The following NRDC variants were observed in gnomAD, a reference collection of about 807,000 sequenced individuals.
NRDC encodes the protein nardilysin.
NRDC carries 54 observed loss-of-function variants against 147.1 expected under a neutral mutation model. The observed-to-expected ratio is 0.37, with a 90% CI of 0.29 to 0.46. The LOEUF is 0.46. Among genes scored for constraint, NRDC ranks in the 20% least tolerant of loss-of-function variants. The pLI is 1.00. For missense variants in NRDC, 1,082 were observed against 1,370.6 expected, an observed-to-expected ratio of 0.79 and a Z score of 3.33; for synonymous variants, 440 against 482.1, an observed-to-expected ratio of 0.91 and a Z score of 1.14.
chr1:51,863,378 G>C (rs1283694107), intron 1 of NRDC, among the ~76,000 whole-genome samples: 2 of 152,032 alleles, frequency 1.3e-5, no homozygotes, highest in Admixed American at 6.6e-5. Flanking sequence ...CTCCAGCCTG[G>C]GTGACAGAGC....
intron 1 of NRDC, among the ~76,000 whole-genome samples, chr1:51,848,725 C>A (rs943062456): frequency 6.6e-6 from 1 of 152,188 alleles, no homozygotes; most frequent in East Asian, 1.9e-4. Context: ...CTATAAAATG[C>A]ATAAATATAC....
intron 4 of NRDC, 45 bp from the exon 5 acceptor site, chr1:51,827,914 A>G (rs372552115): frequency 2.2e-6 from 3 of 1,369,044 alleles, no homozygotes; most frequent in African/African-American, 2.9e-5. Context: ...GTTCACTTTC[A>G]TCAATCAACA....
intron 4 of NRDC, among the ~76,000 whole-genome samples, chr1:51,829,782 G>A (rs1265953166): frequency 6.6e-6 from 1 of 151,896 alleles, no homozygotes; most frequent in Non-Finnish European, 1.5e-5. Context: ...AATTCCTTCT[G>A]TCTTATCTTC....
rs537797898 is a variant in NRDC, at chr1:51,812,894, G to A, written c.1675-796C>T. Reference sequence around the variant, plus strand: ...GGAGAATAGCTTGAACCTGGGAGGCGGAGGTTGCAGTGAGCCAAGATCATG... The same window carrying A: ...GGAGAATAGCTTGAACCTGGGAGGCAGAGGTTGCAGTGAGCCAAGATCATG... On this transcript the variant is annotated intron_variant, in intron 14 of 30. Coordinates refer to ENST00000352171, the MANE Select transcript of NRDC (RefSeq NM_001101662.2). 9.3e-5 allele frequency among the ~76,000 whole-genome samples: 14 copies of A among 150,650 alleles called. No individual in the cohort carries two copies. The South Asian group carries it at 1.7e-3, about 18-fold the overall frequency.
chr1:51,815,275 G>A (rs1234685766), intron 11 of NRDC, among the ~76,000 whole-genome samples: 5 of 148,762 alleles, frequency 3.4e-5, no homozygotes, highest in African/African-American at 5.0e-5. Flanking sequence ...CCTCCACCTC[G>A]GCCTCCCAAG....
chr1:51,822,263 C>T (rs914171200), intron 7 of NRDC, among the ~76,000 whole-genome samples: 2 of 152,044 alleles, frequency 1.3e-5, no homozygotes, highest in Non-Finnish European at 2.9e-5. Flanking sequence ...TATATAAAAC[C>T]TGGGATTCAG....
chr1:51,797,997 T>C (rs1679011633), intron 22 of NRDC: 1 of 417,994 alleles, frequency 2.4e-6, no homozygotes, highest in East Asian at 3.8e-5. Flanking sequence ...CTCGAAATCC[T>C]GACCTTAAGT....
Position 51,840,316 on chromosome 1 carries a change from A to G in NRDC, c.540T>C (p.Asp180=), listed in dbSNP as rs1482635650. The part of the protein sequence containing the change: ...EGFDDEDEFD[D]EHDDDLDTED... ...CAGTATCAAGATCATCATCATGTTCATCATCAAACTCATCTTCATCATCAA... is the reference window on the plus strand; with the variant it reads ...CAGTATCAAGATCATCATCATGTTCGTCATCAAACTCATCTTCATCATCAA... The change falls in exon 2 of 31, where the codon GAT becomes GAC. Residue 180 remains aspartate (D), a synonymous_variant. Coordinates refer to ENST00000352171, the MANE Select transcript of NRDC (RefSeq NM_001101662.2). The G allele has an allele frequency of 6.4e-7, 1 of 1,557,010 alleles. No homozygotes were observed. Among genetic ancestry groups the G allele is most frequent in the African/African-American group, 1.4e-5 (1 of 73,802 alleles).
At chr1:51,800,849 G>A in intron 20 of NRDC, 166 bp from the exon 21 acceptor site, 1 of 641,958 alleles carries the variant, frequency 1.6e-6, no homozygotes, top group Non-Finnish European at 2.6e-6. Context: ...TGTTTGTTTG[G>A]GTGTTACCTG....
rs1050868347 is a variant in NRDC, at chr1:51,806,883, C to T, written c.2021G>A (p.Cys674Tyr). The change falls in exon 18 of 31, where the codon TGC becomes TAC. Residue 674 changes from cysteine to tyrosine, a missense_variant. Coordinates refer to ENST00000352171, the MANE Select transcript of NRDC (RefSeq NM_001101662.2). ...ATDFTLKAFD[C>Y]PETEYPVKIV... is the part of the protein sequence containing the mutation. ...TTTAACTGGGTATTCTGTTTCCGGG[C>T]AATCGAAAGCCTTCAACGTAAAGTC... The T allele has an allele frequency of 2.5e-6, 4 of 1,613,620 alleles. No homozygotes were observed. In the Admixed American group the frequency reaches 5.0e-5, roughly 20 times the overall value.
chr1:51,808,017 G>C (rs773434686), intron 17 of NRDC, among the ~76,000 whole-genome samples: 1 of 151,910 alleles, frequency 6.6e-6, no homozygotes, highest in Non-Finnish European at 1.5e-5. Context: ...TGTTCCTCAG[G>C]CTGGTCTCAA....
intron 19 of NRDC, among the ~76,000 whole-genome samples, chr1:51,804,184 A>G (rs1189279879): frequency 6.6e-6 from 1 of 152,244 alleles, no homozygotes; most frequent in African/African-American, 2.4e-5. Context: ...TGTCATGTAC[A>G]CATGCAAAAT....
intron 17 of NRDC, among the ~76,000 whole-genome samples, 161 bp from the exon 18 acceptor site, chr1:51,807,074 A>T (rs1370096773): frequency 3.3e-5 from 5 of 152,182 alleles, no homozygotes; most frequent in African/African-American, 1.2e-4. Context: ...CCAAAGGGAA[A>T]ACTATGTTGG....
At chr1:51,798,122 C>T in intron 22 of NRDC, 127 bp downstream of exon 22, 1 of 859,912 alleles carries the variant, frequency 1.2e-6, no homozygotes, top group Non-Finnish European at 1.8e-6. Context: ...GGGTCAGGTT[C>T]CCTTCTAAAC....
At chr1:51,846,945 G>C (rs1188899579) in intron 1 of NRDC, among the ~76,000 whole-genome samples, 3 of 152,194 alleles carry the variant, frequency 2.0e-5, no homozygotes, top group African/African-American at 7.2e-5. Flanking sequence ...GCTAGATACA[G>C]AGTGCTGATT....
chr1:51,839,854 C>T (rs1338698813), intron 2 of NRDC: 1 of 160,188 alleles, frequency 6.2e-6, no homozygotes, highest in East Asian at 1.9e-4. Flanking sequence ...GGATAACATA[C>T]TCTTATTTCT....
intron 4 of NRDC, among the ~76,000 whole-genome samples, chr1:51,831,588 T>A (rs1680711232): frequency 6.6e-6 from 1 of 151,958 alleles, no homozygotes; most frequent in Admixed American, 6.6e-5. Flanking sequence ...CTTTCTTTTT[T>A]TTTTTTTTGA....
chr1:51,866,604 A>G (rs1039106199), intron 1 of NRDC, among the ~76,000 whole-genome samples: 1 of 152,192 alleles, frequency 6.6e-6, no homozygotes, highest in Non-Finnish European at 1.5e-5. Context: ...ATAACGATGT[A>G]TTCATCAACA....
rs762887305 is a variant in NRDC, at chr1:51,875,609, AG to A, written c.341+2665del. On this transcript the variant is annotated intron_variant, in intron 1 of 30. Transcript: ENST00000352171. ...AGTGTCTCACTGCCACCCAGGCTGGAGTGCAGTGGCACGATCATGGCTCACT... is the reference window on the plus strand; with the variant it reads ...AGTGTCTCACTGCCACCCAGGCTGGATGCAGTGGCACGATCATGGCTCACT... Among the ~76,000 whole-genome samples, 819 of 152,260 alleles carry A rather than the reference AG, an allele frequency of 5.4e-3. 1 individual carries two copies. The highest frequency in any genetic ancestry group is 8.6e-3 in the Non-Finnish European group (582 of 68,014).
Sources: gnomAD v4.1 joint callset for allele counts (sites outside exome capture counted in the v4.1 genomes callset) on GRCh38, gnomAD v4.1.1 for gene constraint, MANE v1.5 for transcripts, NCBI Gene and HGNC (gene_info 2026-07-23, HGNC 2026-07-21) for gene names.